MMP26: variants seen among roughly 807,000 people sequenced by gnomAD.
MMP26 encodes matrix metalloproteinase-26.
MMP26 carries 33 observed loss-of-function variants against 31.0 expected under a neutral mutation model. The observed-to-expected ratio is 1.06, with a 90% CI of 0.81 to 1.42. The LOEUF is 1.42. Ranked by LOEUF, MMP26 falls within the 40% of genes most tolerant of loss-of-function variation. MMP26 has a pLI of 0.00. For synonymous variants in MMP26, 122 were observed against 114.9 expected, an observed-to-expected ratio of 1.06 and a Z score of -0.40; for missense variants, 347 against 316.1, an observed-to-expected ratio of 1.10 and a Z score of -0.74.
At chr11:4,759,603 A>G (rs1414155820) in intron 1 of MMP26, among the ~76,000 whole-genome samples, 3 of 152,216 alleles carry the variant, frequency 2.0e-5, no homozygotes, top group Admixed American at 1.3e-4. Context: ...TACATATGAG[A>G]CCGTGCTAAT....
At chr11:4,828,680 A>G (rs1849609370) in intron 2 of MMP26, among the ~76,000 whole-genome samples, 1 of 152,154 alleles carries the variant, frequency 6.6e-6, no homozygotes, top group South Asian at 2.1e-4. Context: ...AATTAGGATA[A>G]TCTAACTAGG....
intron 2 of MMP26, among the ~76,000 whole-genome samples, chr11:4,976,240 TTAAAA>T (rs1352884988): frequency 2.6e-5 from 4 of 151,992 alleles, no homozygotes; most frequent in Non-Finnish European, 5.9e-5. Flanking sequence ...TAAAATGAAG[TTAAAA>T]TAAAGTTCAG....
intron 2 of MMP26, chr11:4,914,758 T>C: frequency 6.2e-7 from 1 of 1,613,620 alleles, no homozygotes; most frequent in South Asian, 1.1e-5. Flanking sequence ...CCCGGATCTG[T>C]TTGGTCTTCA....
intron 2 of MMP26, chr11:4,882,364 A>G: frequency 1.9e-6 from 3 of 1,613,952 alleles, no homozygotes; most frequent in Non-Finnish European, 2.5e-6. Context: ...TTAGACCAGC[A>G]GTTTTCTTAC....
intron 2 of MMP26, among the ~76,000 whole-genome samples, chr11:4,938,848 T>A (rs536303418): frequency 0.019 from 2,827 of 152,034 alleles, 35 homozygotes; most frequent in Middle Eastern, 0.037. Context: ...GGTTTAAAAA[T>A]AAAAAAACCT....
intron 2 of MMP26, among the ~76,000 whole-genome samples, chr11:4,934,847 G>T (rs1272695437): frequency 6.6e-6 from 1 of 150,996 alleles, no homozygotes; most frequent in South Asian, 2.1e-4. Flanking sequence ...TTTCCCCATT[G>T]CTTGTTTTTC....
At chr11:4,937,304 G>T (rs1457207026) in intron 2 of MMP26, 1 of 152,118 alleles carries the variant, frequency 6.6e-6, no homozygotes, top group Non-Finnish European at 1.5e-5. Flanking sequence ...AACATTCAAC[G>T]TCTATTTAGT....
At chr11:4,807,843 T>C (rs1295940151) in intron 2 of MMP26, among the ~76,000 whole-genome samples, 1 of 152,174 alleles carries the variant, frequency 6.6e-6, no homozygotes, top group African/African-American at 2.4e-5. Context: ...TTCACTCTGT[T>C]GTCCAGGCTG....
At chr11:4,890,355 G>C in intron 2 of MMP26, 1 of 169,178 alleles carries the variant, frequency 5.9e-6, no homozygotes, top group Non-Finnish European at 1.3e-5. Flanking sequence ...CAGCATAGTG[G>C]GTAGGTAGGA....
At chr11:4,848,781 A>T in intron 2 of MMP26, 1 of 1,614,024 alleles carries the variant, frequency 6.2e-7, no homozygotes, top group Non-Finnish European at 8.5e-7. Flanking sequence ...ATTGGTGAGG[A>T]GCGCTGGGTA....
At chr11:4,886,808 C>T (rs1004539476) in intron 2 of MMP26, among the ~76,000 whole-genome samples, 4 of 151,670 alleles carry the variant, frequency 2.6e-5, no homozygotes. Flanking sequence ...TTGTAAACTT[C>T]CACAAGAATT....
intron 1 of MMP26, among the ~76,000 whole-genome samples, chr11:4,729,830 A>G (rs991880811): frequency 2.6e-5 from 4 of 151,990 alleles, no homozygotes; most frequent in Non-Finnish European, 5.9e-5. Context: ...CAAGTGGTAA[A>G]CAATTCTCCC....
At chr11:4,923,495 T>C (rs775309472) in intron 2 of MMP26, 4 of 1,613,980 alleles carry the variant, frequency 2.5e-6, no homozygotes, top group Admixed American at 3.3e-5. Context: ...TACCAGCAGA[T>C]ACACATAGGA....
intron 2 of MMP26, among the ~76,000 whole-genome samples, chr11:4,895,421 C>T (rs1257266785): frequency 6.6e-6 from 1 of 152,124 alleles, no homozygotes; most frequent in Non-Finnish European, 1.5e-5. Context: ...GACTGACTTC[C>T]GACCCTGTGA....
At chr11:4,945,487 A>T (rs1443013753) in intron 2 of MMP26, 1 of 148,538 alleles carries the variant, frequency 6.7e-6, no homozygotes, top group African/African-American at 2.5e-5. Flanking sequence ...GAAGAGTTCA[A>T]ATTTAAAAGA....
intron 2 of MMP26, among the ~76,000 whole-genome samples, chr11:4,856,294 A>C (rs1850051947): frequency 6.6e-6 from 1 of 152,108 alleles, no homozygotes; most frequent in Non-Finnish European, 1.5e-5. Context: ...ATAAACAGTC[A>C]AGACCCATCA....
chr11:4,776,748 C>G (rs1001671032), intron 2 of MMP26, among the ~76,000 whole-genome samples: 11 of 152,076 alleles, frequency 7.2e-5, no homozygotes, highest in African/African-American at 2.7e-4. Context: ...CTCTCCTGCT[C>G]CACCGTGGTA....
intron 2 of MMP26, chr11:4,804,363 C>G: frequency 6.2e-7 from 1 of 1,614,096 alleles, no homozygotes; most frequent in Non-Finnish European, 8.5e-7. Context: ...AAGAGCTGTT[C>G]CCTGAAGCCA....
In MMP26 at chr11:4,948,330, T is replaced by A. The variant is rs978342221; in HGVS notation, c.-144-39738T>A. On this transcript the variant is annotated intron_variant, in intron 2 of 7. Transcript: ENST00000380390. The stretch of plus-strand genomic sequence containing the variant: ...AATCTTGAAATTTTTTAAATAATAT[T>A]ATCAAGTTATATCATTATCTTCATT... Among the ~76,000 whole-genome samples the A allele has an allele frequency of 1.7e-4, 21 of 124,664 alleles. 6 individuals carry two copies. The highest frequency in any genetic ancestry group is 4.8e-4 in the South Asian group (2 of 4,210). 81.8% of individuals were successfully genotyped at this position (124,664 alleles called of 152,430 possible).
Sources: allele counts gnomAD v4.1 joint callset (sites outside exome capture counted in the v4.1 genomes callset), GRCh38; gene constraint gnomAD v4.1.1; transcripts MANE v1.5; gene names NCBI Gene and HGNC (gene_info 2026-07-23, HGNC 2026-07-21).